SEC24B: variants seen among roughly 807,000 people sequenced by gnomAD.
SEC24B encodes protein transport protein Sec24B.
SEC24B carries 45 observed loss-of-function variants against 142.8 expected under a neutral mutation model. The observed-to-expected ratio is 0.32, with a 90% CI of 0.25 to 0.40. The LOEUF (loss-of-function observed/expected upper bound fraction) is 0.40, where lower values mean the gene tolerates loss of function less well. Among genes scored for constraint, SEC24B ranks in the 10% least tolerant of loss-of-function variants. The pLI is 1.00. For synonymous variants in SEC24B, 574 were observed against 568.2 expected (o/e 1.01, Z -0.15); for missense variants, 1,409 against 1,526.8 (o/e 0.92, Z 1.29).
chr4:109,516,770 T>C (rs1456627119), intron 11 of SEC24B, 130 bp downstream of exon 11: 1 of 504,746 alleles, frequency 2.0e-6, no homozygotes, highest in Non-Finnish European at 3.5e-6. Flanking sequence ...GTACTACTTA[T>C]GTACCACAGA....
At chr4:109,477,893 G>A (rs532251189) in intron 3 of SEC24B, among the ~76,000 whole-genome samples, 2 of 152,250 alleles carry the variant, frequency 1.3e-5, no homozygotes, top group Non-Finnish European at 2.9e-5. Context: ...TATTGCACAT[G>A]TCACATTGAC....
In SEC24B at chr4:109,511,999, T is replaced by A. The variant is rs758532557; in HGVS notation, c.1819T>A (p.Ser607Thr). The change falls in exon 9 of 24, where the codon TCC (serine) becomes ACC (threonine). Residue 607 changes from serine to threonine, a missense_variant. Ser to Thr is a moderately conservative substitution (Grantham distance 58). This residue lies in a region of SEC24B where 700 missense variants were observed against 853.3 expected (regional missense o/e 0.82). Coordinates refer to ENST00000265175, the MANE Select transcript of SEC24B (RefSeq NM_006323.5). Reference sequence around the variant, plus strand: ...ATCAAATACCATTGTGAGGTGCCGATCCTGTCGAACGTATATTAACCCCTT... The same window carrying A: ...ATCAAATACCATTGTGAGGTGCCGAACCTGTCGAACGTATATTAACCCCTT... ...ITSNTIVRCR[S>T]CRTYINPFVS... 12 of 1,613,872 alleles carry A rather than the reference T, an allele frequency of 7.4e-6. No homozygotes were observed. The African/African-American group carries it at 1.6e-4, about 22-fold the overall frequency.
chr4:109,528,993 T>C (rs1210039221), intron 18 of SEC24B, among the ~76,000 whole-genome samples: 1 of 152,148 alleles, frequency 6.6e-6, no homozygotes, highest in Non-Finnish European at 1.5e-5. Context: ...TGAGACCCTG[T>C]CTCTACTAAA....
intron 8 of SEC24B, among the ~76,000 whole-genome samples, chr4:109,510,912 G>A (rs1395980533): frequency 1.3e-5 from 2 of 151,964 alleles, no homozygotes; most frequent in Non-Finnish European, 2.9e-5. Context: ...GGAAGCTGGA[G>A]ATACAAAGGG....
intron 1 of SEC24B, among the ~76,000 whole-genome samples, chr4:109,452,096 A>T (rs60957336): frequency 6.6e-6 from 1 of 151,588 alleles, no homozygotes. Context: ...AAAAGTTCTT[A>T]TAGTCAGTAC....
chr4:109,467,274 C>T (rs959886552), intron 2 of SEC24B, among the ~76,000 whole-genome samples: 7 of 143,884 alleles, frequency 4.9e-5, no homozygotes, highest in South Asian at 2.2e-4. Flanking sequence ...TGCAGTGAGC[C>T]GAGATCGCGC....
At chr4:109,460,788 A>C (rs1364388343) in intron 1 of SEC24B, among the ~76,000 whole-genome samples, 1 of 150,846 alleles carries the variant, frequency 6.6e-6, no homozygotes, top group Non-Finnish European at 1.5e-5. Flanking sequence ...TAATAAGACT[A>C]ATATTAGGAT....
chr4:109,531,920 T>A (rs1358910013), intron 20 of SEC24B, among the ~76,000 whole-genome samples: 3 of 152,166 alleles, frequency 2.0e-5, no homozygotes, highest in Admixed American at 2.0e-4. Flanking sequence ...AGTGCAGTGG[T>A]GTGATCTCGG....
At chr4:109,455,562 TTTTG>T (rs1427937345) in intron 1 of SEC24B, among the ~76,000 whole-genome samples, 6 of 152,194 alleles carry the variant, frequency 3.9e-5, no homozygotes, top group African/African-American at 1.4e-4. Flanking sequence ...TTGACTTAAT[TTTTG>T]TTTAAGACCA....
chr4:109,436,865 A>G (rs1416860988), intron 1 of SEC24B, among the ~76,000 whole-genome samples: 2 of 152,192 alleles, frequency 1.3e-5, no homozygotes, highest in African/African-American at 4.8e-5. Context: ...ACCTGCCCCC[A>G]TCCTTTGCCC....
At position 109,433,991 on chromosome 4, in the gene SEC24B, A is replaced by G; in HGVS notation, c.122A>G (p.His41Arg). The G allele has an allele frequency of 8.4e-7, 1 of 1,184,328 alleles. No individual in the cohort carries two copies. The highest frequency in any genetic ancestry group is 1.0e-6 in the Non-Finnish European group (1 of 959,038). The allele number at this position is 1,184,328 out of a possible 1,614,324, so 73.4% of individuals were successfully genotyped here. Reference protein sequence around the residue: ...PAGPGAGPAPHQQNGPAQNQM... With the variant: ...PAGPGAGPAPRQQNGPAQNQM... ...GGCCCGGGTGCGGGCCCGGCGCCGC[A>G]CCAGCAGAACGGTGAGGCGGGCGGC... Residue 41 changes from histidine (H) to arginine (R), a missense_variant, in exon 1 of 24, where the codon CAC (histidine) becomes CGC (arginine). Physicochemically the swap from His to Arg is conservative, Grantham distance 29 (BLOSUM62 0). Coordinates refer to ENST00000265175, the MANE Select transcript of SEC24B (RefSeq NM_006323.5).
Position 109,539,696 on chromosome 4 carries a change from G to T in SEC24B, c.*21G>T, listed in dbSNP as rs750985693. 2.9e-5 allele frequency: 42 copies of T among 1,473,316 alleles called. No individual in the cohort carries two copies. The Admixed American group carries it at 7.1e-4, about 25-fold the overall frequency. The allele number at this position is 1,473,316 out of a possible 1,614,324, so 91.3% of individuals were successfully genotyped here. Reference sequence around the variant, plus strand: ...AGTGAAGTAGAATAAAATTGAATAAGAAAAAGATCTATAACCTAGGTAAAG... The same window carrying T: ...AGTGAAGTAGAATAAAATTGAATAATAAAAAGATCTATAACCTAGGTAAAG... On this transcript the variant is annotated 3_prime_UTR_variant, in exon 24 of 24. Transcript: ENST00000265175.
At chr4:109,522,196 G>A (rs536116501) in intron 14 of SEC24B, among the ~76,000 whole-genome samples, 5 of 151,808 alleles carry the variant, frequency 3.3e-5, no homozygotes, top group South Asian at 2.1e-4. Context: ...GACTACAGGC[G>A]CCTGCCACCA....
intron 1 of SEC24B, among the ~76,000 whole-genome samples, chr4:109,457,014 A>G (rs866421976): frequency 6.6e-6 from 1 of 152,230 alleles, no homozygotes; most frequent in African/African-American, 2.4e-5. Flanking sequence ...CAGGGTTCAC[A>G]TTGCAGCCAT....
intron 1 of SEC24B, among the ~76,000 whole-genome samples, chr4:109,457,943 T>C (rs183309889): frequency 6.6e-6 from 1 of 152,338 alleles, no homozygotes; most frequent in East Asian, 1.9e-4. Context: ...CTTTTCCATG[T>C]AATTTTCACA....
At chr4:109,483,762 C>T (rs565080708) in intron 4 of SEC24B, among the ~76,000 whole-genome samples, 5 of 152,232 alleles carry the variant, frequency 3.3e-5, no homozygotes, top group Admixed American at 2.0e-4. Flanking sequence ...ACTCTAAATA[C>T]GTAAGTACCC....
intron 2 of SEC24B, among the ~76,000 whole-genome samples, 179 bp downstream of exon 2, chr4:109,463,823 A>G (rs1013508703): frequency 6.6e-6 from 1 of 152,186 alleles, no homozygotes; most frequent in Non-Finnish European, 1.5e-5. Flanking sequence ...ATTCCCAATT[A>G]GCCACCCAAC....
At chr4:109,453,399 G>A (rs1036682227) in intron 1 of SEC24B, among the ~76,000 whole-genome samples, 2 of 128,824 alleles carry the variant, frequency 1.6e-5, no homozygotes, top group Admixed American at 1.0e-4. Flanking sequence ...TCCCTTATCT[G>A]CAACTGCATA....
At chr4:109,464,117 TTTCCTGCACG>T (rs1731607033) in intron 2 of SEC24B, among the ~76,000 whole-genome samples, 2 of 152,188 alleles carry the variant, frequency 1.3e-5, no homozygotes, top group South Asian at 4.1e-4. Context: ...AGAAGACATC[TTTCCTGCACG>T]TAAACAGTGT....
Sources: allele counts gnomAD v4.1 joint callset (sites outside exome capture counted in the v4.1 genomes callset), GRCh38; gene constraint gnomAD v4.1.1; regional missense constraint gnomAD v4.1.1; transcripts MANE v1.5; gene names NCBI Gene and HGNC (gene_info 2026-07-23, HGNC 2026-07-21).